Variants in LIPI observed in about 807,000 individuals in gnomAD.
LIPI encodes the protein lipase member I.
LIPI carries 59 observed loss-of-function variants against 50.6 expected under a neutral mutation model. The ratio of observed to expected loss-of-function variants is 1.16; its 90% CI spans 0.94 to 1.45. The LOEUF (loss-of-function observed/expected upper bound fraction) is 1.45, where lower values mean the gene tolerates loss of function less well. Among genes scored for constraint, LIPI ranks in the 40% most tolerant of loss-of-function variants. The pLI, the probability that LIPI is intolerant of heterozygous loss-of-function variation, is 0.00. For missense variants in LIPI, 586 were observed against 536.3 expected (o/e 1.09, Z -0.92); for synonymous variants, 203 against 178.2 (o/e 1.14, Z -1.11).
At position 14,109,008 on chromosome 21, in the gene LIPI, T is replaced by C. The variant is rs773252276; in HGVS notation, c.1368A>G (p.Thr456=). The C allele has an allele frequency of 3.1e-6, 5 of 1,608,638 alleles. No homozygotes were observed. The South Asian group carries it at 5.5e-5, about 18-fold the overall frequency. The part of the protein sequence containing the change: ...EEVFLNPNTC[T]PKNT The stretch of plus-strand genomic sequence containing the variant: ...AGAAGGCATCTTATGTGTTCTTTGG[T>C]GTACATGTGTTTGGATTAAGAAACA... The change falls in exon 10 of 10, where the codon ACA becomes ACG. Residue 456 remains threonine (T), a synonymous_variant. Coordinates refer to ENST00000681601, the MANE Select transcript of LIPI (RefSeq NM_001302998.2).
chr21:14,200,069 C>T (rs1358743372), intron 1 of LIPI, among the ~76,000 whole-genome samples: 2 of 152,106 alleles, frequency 1.3e-5, no homozygotes, highest in African/African-American at 4.8e-5. Context: ...ATGCTAAAAA[C>T]TCTCAATAAA....
At chr21:14,193,605 C>T (rs1353430891) in intron 1 of LIPI, among the ~76,000 whole-genome samples, 1 of 151,998 alleles carries the variant, frequency 6.6e-6, no homozygotes, top group Non-Finnish European at 1.5e-5. Flanking sequence ...GCACTAACAT[C>T]AAGCAAATTA....
intron 3 of LIPI, among the ~76,000 whole-genome samples, chr21:14,183,394 C>T (rs1017835531): frequency 2.0e-5 from 3 of 152,156 alleles, no homozygotes; most frequent in Non-Finnish European, 4.4e-5. Flanking sequence ...TTAGGCAATA[C>T]CATTCAGGAC....
At chr21:14,129,660 T>C (rs1237452249) in intron 9 of LIPI, among the ~76,000 whole-genome samples, 2 of 151,770 alleles carry the variant, frequency 1.3e-5, no homozygotes, top group African/African-American at 4.8e-5. Flanking sequence ...CATGGAAGAA[T>C]GAAGTCAGAA....
At chr21:14,136,163 A>G (rs1374218035) in intron 9 of LIPI, among the ~76,000 whole-genome samples, 2 of 152,200 alleles carry the variant, frequency 1.3e-5, no homozygotes, top group Non-Finnish European at 2.9e-5. Flanking sequence ...AATAACCAGC[A>G]GCAATACCCA....
intron 9 of LIPI, among the ~76,000 whole-genome samples, chr21:14,120,793 C>T (rs995524009): frequency 1.3e-5 from 2 of 151,332 alleles, no homozygotes; most frequent in African/African-American, 4.8e-5. Context: ...CATTGCCCCC[C>T]AATTTATAAT....
chr21:14,189,065 A>T lies in LIPI; in HGVS notation c.401T>A (p.Val134Glu). 2 of 1,608,590 alleles carry T rather than the reference A, an allele frequency of 1.2e-6. No individual in the cohort carries two copies. The highest frequency in any genetic ancestry group is 1.7e-4 in the Middle Eastern group (1 of 6,058). ...RAVKNTRKVAVSLSVHIKNLL... is the reference protein window; with the variant it reads ...RAVKNTRKVAESLSVHIKNLL... ...ATTTTTAATGTGCACACTCAAACTC[A>T]CAGCAACTTTTCTGGTGTTTTTAAC... Residue 134 changes from valine (V) to glutamate (E), a missense_variant, in exon 2 of 10, where the codon GTG (valine) becomes GAG (glutamate). Val to Glu is a moderately radical substitution (Grantham distance 121, BLOSUM62 -2). Coordinates refer to ENST00000681601, the MANE Select transcript of LIPI (RefSeq NM_001302998.2).
At chr21:14,169,996 A>T (rs1025505558) in intron 4 of LIPI, among the ~76,000 whole-genome samples, 1 of 152,202 alleles carries the variant, frequency 6.6e-6, no homozygotes, top group African/African-American at 2.4e-5. Flanking sequence ...AAGAGAGAAG[A>T]ATCAAATAGA....
intron 3 of LIPI, among the ~76,000 whole-genome samples, chr21:14,184,382 T>C (rs2019381787): frequency 6.6e-6 from 1 of 152,018 alleles, no homozygotes; most frequent in South Asian, 2.1e-4. Context: ...TGCTAAATGA[T>C]GAGTTAATGG....
At position 14,129,032 on chromosome 21, in the gene LIPI, A is replaced by G. The variant is rs375250188; in HGVS notation, c.1295+15591T>C. Among the ~76,000 whole-genome samples the G allele has an allele frequency of 1.4e-4, 21 of 152,230 alleles. No individual in the cohort carries two copies. In the South Asian group the frequency reaches 2.5e-3, roughly 18 times the overall value. ...AGTATTTATATAGTTAGAGAAGGAG[A>G]CATAGTTTCACAGAAGTATTTGGAA... is the stretch of plus-strand genomic sequence containing the variant. On this transcript the variant is annotated intron_variant, in intron 9 of 9. Transcript: ENST00000681601.
At chr21:14,182,505 C>T (rs2019308339) in intron 3 of LIPI, among the ~76,000 whole-genome samples, 1 of 152,070 alleles carries the variant, frequency 6.6e-6, no homozygotes, top group Non-Finnish European at 1.5e-5. Flanking sequence ...TTTTTGAGAA[C>T]ATCTATACAA....
At chr21:14,110,300 T>C (rs1224025229) in intron 9 of LIPI, among the ~76,000 whole-genome samples, 1 of 151,854 alleles carries the variant, frequency 6.6e-6, no homozygotes, top group Non-Finnish European at 1.5e-5. Context: ...TATTCTCTTT[T>C]TTTTGCCATT....
intron 9 of LIPI, among the ~76,000 whole-genome samples, 173 bp from the exon 10 acceptor site, chr21:14,109,253 G>T (rs781502558): frequency 6.6e-6 from 1 of 152,100 alleles, no homozygotes; most frequent in Non-Finnish European, 1.5e-5. Flanking sequence ...TCATTTGGCT[G>T]TGTAGGGATG....
At position 14,165,355 on chromosome 21, in the gene LIPI, C is replaced by A. The variant is rs2018642110; in HGVS notation, c.769G>T (p.Val257Phe). ...QFIKCNHQRA[V>F]HLFMASLETN... Reference sequence around the variant, plus strand: ...TCTAAAGATGCCATGAACAAGTGAACTGCTCTCTGGTGGTTGCATTTAATG... The same window carrying A: ...TCTAAAGATGCCATGAACAAGTGAAATGCTCTCTGGTGGTTGCATTTAATG... Residue 257 changes from valine to phenylalanine, a missense_variant, in exon 6 of 10, where the codon GTT becomes TTT. Physicochemically the swap from Val to Phe is conservative, Grantham distance 50. Transcript: ENST00000681601. 3 of 1,612,230 alleles carry A rather than the reference C, an allele frequency of 1.9e-6. No individual in the cohort carries two copies. Among genetic ancestry groups the A allele is most frequent in the African/African-American group, 2.7e-5 (2 of 74,756 alleles).
intron 4 of LIPI, among the ~76,000 whole-genome samples, chr21:14,175,619 G>C (rs2019067079): frequency 6.6e-6 from 1 of 152,068 alleles, no homozygotes; most frequent in South Asian, 2.1e-4. Context: ...CATTATCCCA[G>C]TGTTATGAAG....
At chr21:14,204,132 T>C (rs1215309849) in intron 1 of LIPI, among the ~76,000 whole-genome samples, 2 of 152,008 alleles carry the variant, frequency 1.3e-5, no homozygotes, top group Admixed American at 6.6e-5. Flanking sequence ...ATCTAATGGA[T>C]GCTAGGCTTA....
intron 9 of LIPI, among the ~76,000 whole-genome samples, chr21:14,114,021 A>G (rs912415809): frequency 6.6e-6 from 1 of 152,046 alleles, no homozygotes; most frequent in African/African-American, 2.4e-5. Context: ...CCCTGTCTCT[A>G]CAAAAAATTA....
intron 9 of LIPI, among the ~76,000 whole-genome samples, chr21:14,124,683 G>A (rs1361820857): frequency 1.3e-5 from 2 of 152,204 alleles, no homozygotes; most frequent in African/African-American, 2.4e-5. Context: ...TTAAAAGGTG[G>A]CTGCTTTCTT....
chr21:14,158,217 C>T (rs1452791120), intron 7 of LIPI, among the ~76,000 whole-genome samples: 1 of 151,582 alleles, frequency 6.6e-6, no homozygotes, highest in African/African-American at 2.4e-5. Context: ...TACTAAAATA[C>T]CTCAGGACGT....
Sources: gnomAD v4.1 joint callset for allele counts (sites outside exome capture counted in the v4.1 genomes callset) on GRCh38, gnomAD v4.1.1 for gene constraint, MANE v1.5 for transcripts, NCBI Gene and HGNC (gene_info 2026-07-23, HGNC 2026-07-21) for gene names.